DAPK1: variants seen among roughly 807,000 people sequenced by gnomAD.
DAPK1 encodes the protein death associated protein kinase 1, also known as death-associated protein kinase 1.
A neutral mutation model predicts 144.9 loss-of-function variants in DAPK1; 56 were observed. The ratio of observed to expected loss-of-function variants is 0.39; its 90% CI spans 0.31 to 0.48. DAPK1 has a LOEUF of 0.48. Ranked by LOEUF, DAPK1 falls within the 20% of genes least tolerant of loss-of-function variation. The probability of loss-of-function intolerance (pLI) is 0.95; values close to 1 mark genes in which losing one functional copy is unlikely to be tolerated. For synonymous variants in DAPK1, 690 were observed against 749.0 expected (o/e 0.92, Z 1.29); for missense variants, 1,454 against 1,875.4 (o/e 0.78, Z 4.15).
intron 9 of DAPK1, among the ~76,000 whole-genome samples, chr9:87,641,511 T>C (rs1830093224): frequency 6.6e-6 from 1 of 151,918 alleles, no homozygotes; most frequent in East Asian, 1.9e-4. Flanking sequence ...AGCTATGGTG[T>C]CTCCTCCTCC....
intron 18 of DAPK1, among the ~76,000 whole-genome samples, chr9:87,662,560 GTTTTTTTT>G (rs71507734): frequency 5.3e-4 from 17 of 32,156 alleles, no homozygotes; most frequent in African/African-American, 1.7e-3. Flanking sequence ...TATATTCCTA[GTTTTTTTT>G]TTTTTTTTTT....
intron 2 of DAPK1, among the ~76,000 whole-genome samples, chr9:87,568,161 G>C (rs919842968): frequency 6.6e-6 from 1 of 152,236 alleles, no homozygotes; most frequent in Admixed American, 6.5e-5. Flanking sequence ...GGGGAGCTGC[G>C]GGCCTGTGTC....
chr9:87,564,838 A>G (rs1452832382), intron 2 of DAPK1, among the ~76,000 whole-genome samples: 2 of 152,136 alleles, frequency 1.3e-5, no homozygotes, highest in Non-Finnish European at 2.9e-5. Flanking sequence ...TAACACATCA[A>G]CTTGGGGAAC....
rs1827794095 is a variant in DAPK1 at position 87,582,698 on chromosome 9, G to A, written c.63-22256G>A. Among the ~76,000 whole-genome samples the A allele has an allele frequency of 2.0e-5, 3 of 152,036 alleles. No homozygotes were observed. In the South Asian group the frequency reaches 6.2e-4, roughly 32 times the overall value. On this transcript the variant is annotated intron_variant, in intron 2 of 25. Transcript: ENST00000408954. Reference sequence around the variant, plus strand: ...GCTTCCCGAGTAGCTGGGACTACAGGAGTGTGCCACCACTCCTGGTTGATT... The same window carrying A: ...GCTTCCCGAGTAGCTGGGACTACAGAAGTGTGCCACCACTCCTGGTTGATT...
intron 18 of DAPK1, among the ~76,000 whole-genome samples, chr9:87,664,859 C>T (rs1250356699): frequency 6.6e-6 from 1 of 152,200 alleles, no homozygotes; most frequent in African/African-American, 2.4e-5. Flanking sequence ...GCCTCCCTGA[C>T]CCCCATCTCC....
chr9:87,554,300 G>T (rs1439105182), intron 2 of DAPK1: 1 of 152,194 alleles, frequency 6.6e-6, no homozygotes, highest in Non-Finnish European at 1.5e-5. Context: ...TTATACTAGT[G>T]CTTTCAAGAG....
At chr9:87,518,437 C>CT (rs1443213503) in intron 2 of DAPK1, among the ~76,000 whole-genome samples, 4 of 151,974 alleles carry the variant, frequency 2.6e-5, no homozygotes, top group Admixed American at 2.6e-4. Flanking sequence ...CATATTTGCC[C>CT]TTTAAAAGGG....
intron 19 of DAPK1, among the ~76,000 whole-genome samples, chr9:87,675,614 G>A (rs905764123): frequency 2.0e-5 from 3 of 151,978 alleles, no homozygotes; most frequent in Admixed American, 2.0e-4. Flanking sequence ...TCTGCCTTAG[G>A]TTTAGGAATT....
intron 3 of DAPK1, among the ~76,000 whole-genome samples, chr9:87,613,144 G>A (rs1285953592): frequency 6.6e-6 from 1 of 152,208 alleles, no homozygotes; most frequent in African/African-American, 2.4e-5. Flanking sequence ...TTGTAGCCAA[G>A]TGCAGGGCGT....
At chr9:87,532,893 A>G (rs1825742987) in intron 2 of DAPK1, among the ~76,000 whole-genome samples, 1 of 152,192 alleles carries the variant, frequency 6.6e-6, no homozygotes, top group Non-Finnish European at 1.5e-5. Flanking sequence ...CTCTCTGTAC[A>G]ATCATCTGTC....
intron 19 of DAPK1, among the ~76,000 whole-genome samples, chr9:87,669,350 G>C (rs533155112): frequency 1.6e-4 from 24 of 147,666 alleles, no homozygotes; most frequent in Non-Finnish European, 1.0e-4. Context: ...GGGTGGGGGG[G>C]GGTCACTGGG....
At chr9:87,652,996 C>T (rs1311365500) in intron 17 of DAPK1, among the ~76,000 whole-genome samples, 18 of 107,580 alleles carry the variant, frequency 1.7e-4, no homozygotes, top group African/African-American at 4.1e-4. Flanking sequence ...TCCATCCCCC[C>T]GATCCCGGGT....
chr9:87,684,498 GTTC>G (rs1167695799), intron 20 of DAPK1, among the ~76,000 whole-genome samples: 11 of 152,172 alleles, frequency 7.2e-5, no homozygotes, highest in African/African-American at 2.7e-4. Context: ...TTCCACTGCC[GTTC>G]TCTTGAGAAC....
intron 2 of DAPK1, among the ~76,000 whole-genome samples, chr9:87,515,223 G>A (rs908852643): frequency 1.3e-5 from 2 of 152,142 alleles, no homozygotes; most frequent in African/African-American, 4.8e-5. Context: ...CATGGTTTCT[G>A]TTGCAACAAC....
rs767490320 is a variant in DAPK1 at position 87,646,027 on chromosome 9, T to A, written c.1131+13T>A. The A allele has an allele frequency of 2.5e-6, 4 of 1,612,684 alleles. No homozygotes were observed. In the South Asian group the frequency reaches 4.4e-5, roughly 18 times the overall value. On this transcript the variant is annotated intron_variant, in intron 12 of 25. Transcript: ENST00000408954. The stretch of plus-strand genomic sequence containing the variant: ...CCAACCCAACAAGGTCTGGTTCTGT[T>A]CTGCCGCATACTGGAGGGGTGGGTC...
intron 21 of DAPK1, among the ~76,000 whole-genome samples, chr9:87,687,237 A>T (rs1298246535): frequency 6.6e-6 from 1 of 152,108 alleles, no homozygotes; most frequent in Non-Finnish European, 1.5e-5. Flanking sequence ...CTTCTATCTA[A>T]CTGCATGTTT....
chr9:87,504,531 C>G (rs1020512343), intron 2 of DAPK1, among the ~76,000 whole-genome samples: 1 of 152,146 alleles, frequency 6.6e-6, no homozygotes, highest in Non-Finnish European at 1.5e-5. Context: ...CCCCCATGCT[C>G]TTTTACCCTC....
intron 2 of DAPK1, among the ~76,000 whole-genome samples, chr9:87,595,502 T>C (rs369021239): frequency 6.6e-6 from 1 of 152,332 alleles, no homozygotes; most frequent in East Asian, 1.9e-4. Context: ...CTCAGTTTAA[T>C]CCTCAGCCGC....
intron 3 of DAPK1, among the ~76,000 whole-genome samples, chr9:87,637,739 T>A (rs1411861048): frequency 1.3e-5 from 2 of 152,216 alleles, no homozygotes; most frequent in African/African-American, 2.4e-5. Context: ...GGAAAATGGT[T>A]CCCAAGTGCT....
Sources: allele counts gnomAD v4.1 joint callset (sites outside exome capture counted in the v4.1 genomes callset), GRCh38; gene constraint gnomAD v4.1.1; transcripts MANE v1.5; gene names NCBI Gene and HGNC (gene_info 2026-07-23, HGNC 2026-07-21).